The following CAMK2G variants were observed in gnomAD, a reference collection of about 807,000 sequenced individuals.
CAMK2G encodes calcium/calmodulin-dependent protein kinase type II subunit gamma.
Under a neutral mutation model 88.7 loss-of-function variants are expected in CAMK2G, and 23 were observed. That is an observed-to-expected ratio of 0.26 (90% CI 0.19 to 0.37). CAMK2G has a LOEUF of 0.37. Ranked by LOEUF, CAMK2G falls within the 10% of genes least tolerant of loss-of-function variation. The pLI is 1.00. For missense variants in CAMK2G, 476 were observed against 780.8 expected (o/e 0.61, Z 4.65); for synonymous variants, 263 against 294.8 (o/e 0.89, Z 1.11).
intron 12 of CAMK2G, among the ~76,000 whole-genome samples, chr10:73,840,649 T>C (rs2093699349): frequency 6.6e-6 from 1 of 152,202 alleles, no homozygotes; most frequent in Non-Finnish European, 1.5e-5. Context: ...GAAACCAGGA[T>C]GCCAGTTTCC....
intron 3 of CAMK2G, among the ~76,000 whole-genome samples, chr10:73,853,996 T>G (rs1399968975): frequency 6.6e-6 from 1 of 152,140 alleles, no homozygotes; most frequent in Non-Finnish European, 1.5e-5. Context: ...ATTCTACAGA[T>G]GAGGGCACCA....
chr10:73,849,470 C>G (rs1270938815), intron 5 of CAMK2G, 137 bp from the exon 6 acceptor site: 2 of 633,448 alleles, frequency 3.2e-6, no homozygotes, highest in Admixed American at 5.1e-5. Flanking sequence ...CCACTGGAAC[C>G]TTAGACTCTG....
intron 2 of CAMK2G, among the ~76,000 whole-genome samples, chr10:73,872,661 C>A (rs1008115915): frequency 1.3e-5 from 2 of 152,194 alleles, no homozygotes; most frequent in Non-Finnish European, 2.9e-5. Flanking sequence ...AAGGGAGAGG[C>A]TCCAAATGCC....
chr10:73,836,499 T>C (rs1401533006), intron 14 of CAMK2G, among the ~76,000 whole-genome samples: 2 of 152,224 alleles, frequency 1.3e-5, no homozygotes, highest in African/African-American at 2.4e-5. Context: ...CCCAGCTCCA[T>C]GTCAGAGGGT....
At chr10:73,830,593 C>T (rs776452502) in intron 14 of CAMK2G, among the ~76,000 whole-genome samples, 6 of 152,316 alleles carry the variant, frequency 3.9e-5, no homozygotes, top group East Asian at 1.9e-4. Context: ...TATAACCTTT[C>T]GTTTTTCTTG....
intron 1 of CAMK2G, among the ~76,000 whole-genome samples, chr10:73,874,069 A>G (rs983361675): frequency 1.0e-4 from 13 of 124,330 alleles, no homozygotes; most frequent in Non-Finnish European, 1.7e-4. Context: ...GGAGTGAGCA[A>G]CCGGGCAGCG....
At chr10:73,873,762 TCGGCGCCG>T (rs2095945673) in intron 1 of CAMK2G, among the ~76,000 whole-genome samples, 1 of 92,052 alleles carries the variant, frequency 1.1e-5, no homozygotes, top group Non-Finnish European at 2.1e-5. Context: ...GTGGCCGGGC[TCGGCGCCG>T]CGGGTGGGGG....
At chr10:73,852,444 T>TC (rs2094698443) in intron 4 of CAMK2G, 125 bp from the exon 5 acceptor site, 11 of 733,060 alleles carry the variant, frequency 1.5e-5, no homozygotes, top group Middle Eastern at 3.0e-4. Context: ...CCCATGCATT[T>TC]CATCTGAGAG....
Position 73,848,884 on chromosome 10 carries a change from G to A in CAMK2G, c.517+129C>T, listed in dbSNP as rs1037246841. The A allele has an allele frequency of 3.3e-5, 25 of 748,364 alleles. No homozygotes were observed. Among genetic ancestry groups the A allele is most frequent in the Admixed American group, 1.6e-4 (9 of 55,002 alleles). 46.4% of individuals were successfully genotyped at this position (748,364 alleles called of 1,614,324 possible). A position where few individuals can be genotyped will look rare whatever the true frequency, so the allele number is the denominator to read the frequency against. Reference sequence around the variant, plus strand: ...AGCTAGACTTACTGTACTGAGTCGCGTACGGCCAAGAGAGATCTCGGAGGC... The same window carrying A: ...AGCTAGACTTACTGTACTGAGTCGCATACGGCCAAGAGAGATCTCGGAGGC... On this transcript the variant is annotated intron_variant, in intron 7 of 22. Coordinates refer to ENST00000423381, the MANE Select transcript of CAMK2G (RefSeq NM_001367534.1). This position sits in a 1 kb window ranked among gnomAD's most constrained non-coding sequence, Gnocchi z 4.5.
chr10:73,843,403 C>T (rs980987990), intron 10 of CAMK2G, among the ~76,000 whole-genome samples: 1 of 152,166 alleles, frequency 6.6e-6, no homozygotes, highest in Non-Finnish European at 1.5e-5. Flanking sequence ...GTATTTACTG[C>T]TAACTTCCTG....
At chr10:73,835,780 C>T (rs1000802455) in intron 14 of CAMK2G, among the ~76,000 whole-genome samples, 4 of 152,064 alleles carry the variant, frequency 2.6e-5, no homozygotes, top group Admixed American at 2.0e-4. Context: ...ATAAGAGAAC[C>T]CATACAAATA....
At chr10:73,865,065 T>C (rs921209360) in intron 2 of CAMK2G, among the ~76,000 whole-genome samples, 3 of 152,226 alleles carry the variant, frequency 2.0e-5, no homozygotes, top group African/African-American at 4.8e-5. Context: ...AGTGAGAAGC[T>C]TGACAGGGTC....
chr10:73,847,340 G>A lies in CAMK2G; in HGVS notation c.704C>T (p.Ser235Leu), dbSNP rs746368789. Residue 235 changes from serine to leucine, a missense_variant, in exon 10 of 23, where the codon TCA becomes TTA. Ser to Leu is a moderately radical substitution (Grantham distance 145, BLOSUM62 -2). Transcript: ENST00000423381. ...AGGAGTTACCGTGTCCCATTCTGGT[G>A]ATGGGAACTAAGGAGCAGGAATAGG... ...QIKAGAYDFP[S>L]PEWDTVTPEA... 6.2e-7 allele frequency: 1 copy of A among 1,613,896 alleles called. No homozygotes were observed.
chr10:73,846,702 A>G (rs763707065), intron 10 of CAMK2G: 76 of 152,362 alleles, frequency 5.0e-4, no homozygotes, highest in Non-Finnish European at 7.9e-4. Flanking sequence ...TTCAGCTTGA[A>G]AGAATTGTGT....
intron 2 of CAMK2G, among the ~76,000 whole-genome samples, chr10:73,867,090 C>A (rs2095623317): frequency 6.6e-6 from 1 of 152,154 alleles, no homozygotes; most frequent in African/African-American, 2.4e-5. Context: ...AGGGACGGGG[C>A]CTGAAATGGT....
chr10:73,815,369 G>GCCCCCCCCCCCCCCCCC lies in CAMK2G; in HGVS notation c.1535-123_1535-122insGGGGGGGGGGGGGGGGG, dbSNP rs57601302. The GCCCCCCCCCCCCCCCCC allele has an allele frequency of 4.0e-5, 25 of 619,280 alleles. No homozygotes were observed. The African/African-American group carries it at 5.0e-4, about 12-fold the overall frequency. The allele number at this position is 619,280 out of a possible 1,614,324, so 38.4% of individuals were successfully genotyped here. On this transcript the variant is annotated intron_variant, in intron 21 of 22. Transcript: ENST00000423381. ...ACCACTCCCAGAATCTCCAAGTACCGCCCCCCCCCACCCCCGAACCCCTGA... is the reference window on the plus strand; with the variant it reads ...ACCACTCCCAGAATCTCCAAGTACCGCCCCCCCCCCCCCCCCCCCCCCCCCCACCCCCGAACCCCTGA...
intron 21 of CAMK2G, chr10:73,816,601 C>G: frequency 1.7e-6 from 1 of 591,196 alleles, no homozygotes; most frequent in Non-Finnish European, 2.6e-6. Flanking sequence ...GCTGGGACTA[C>G]AGGCACCGCC....
intron 15 of CAMK2G, among the ~76,000 whole-genome samples, chr10:73,826,864 AG>A (rs2091107478): frequency 6.6e-6 from 1 of 152,128 alleles, no homozygotes; most frequent in Non-Finnish European, 1.5e-5. Flanking sequence ...CCCCAAACCC[AG>A]GGCTAGGCAT....
rs1458257825 is a variant in CAMK2G, at chr10:73,820,490, A to ATTT, written c.1250-846_1250-845insAAA. ...TATATATATATATATATATATATAT[A>ATTT]TATTTTTTTTTTTTTTTTTTTCTTG... On this transcript the variant is annotated intron_variant, in intron 18 of 22. Coordinates refer to ENST00000423381, the MANE Select transcript of CAMK2G (RefSeq NM_001367534.1). 9.9e-3 allele frequency among the ~76,000 whole-genome samples: 528 copies of ATTT among 53,166 alleles called. 8 individuals are homozygous for ATTT. The highest frequency in any genetic ancestry group is 0.013 in the Non-Finnish European group (436 of 33,724). The allele number at this position is 53,166 out of a possible 152,430, so 34.9% of individuals were successfully genotyped here.
Sources: gnomAD v4.1 joint callset for allele counts (sites outside exome capture counted in the v4.1 genomes callset) on GRCh38, gnomAD v4.1.1 for gene constraint, Gnocchi (gnomAD v3.1) non-coding constraint, MANE v1.5 for transcripts, NCBI Gene and HGNC (gene_info 2026-07-23, HGNC 2026-07-21) for gene names.